SARNP: variants seen among roughly 807,000 people sequenced by gnomAD.
SARNP encodes SAP domain-containing ribonucleoprotein.
SARNP carries 5 observed loss-of-function variants against 38.1 expected under a neutral mutation model. The observed-to-expected ratio is 0.13, with a 90% CI of 0.07 to 0.28. The LOEUF (loss-of-function observed/expected upper bound fraction) is 0.28. Ranked by LOEUF, SARNP falls within the 10% of genes least tolerant of loss-of-function variation. SARNP has a pLI of 1.00. For missense variants in SARNP, 180 were observed against 243.9 expected (o/e 0.74, Z 1.75); for synonymous variants, 84 against 80.6 (o/e 1.04, Z -0.23).
intron 9 of SARNP, among the ~76,000 whole-genome samples, chr12:55,762,289 A>G (rs951360955): frequency 1.3e-5 from 2 of 151,938 alleles, no homozygotes; most frequent in Non-Finnish European, 2.9e-5. Context: ...CTCCGTCTCC[A>G]AAGAGTTCAA....
chr12:55,789,604 TC>T (rs1278397154), intron 8 of SARNP, among the ~76,000 whole-genome samples: 1 of 152,188 alleles, frequency 6.6e-6, no homozygotes, highest in Non-Finnish European at 1.5e-5. Context: ...TTCTCTTCCC[TC>T]CTCTTTCTTG....
intron 10 of SARNP, among the ~76,000 whole-genome samples, chr12:55,757,898 C>A (rs1174750190): frequency 6.6e-6 from 1 of 152,150 alleles, no homozygotes; most frequent in Non-Finnish European, 1.5e-5. Context: ...GGGCTCTTAA[C>A]AGGCTGGGAA....
intron 2 of SARNP, 49 bp downstream of exon 2, chr12:55,803,580 G>A: frequency 3.6e-6 from 4 of 1,108,488 alleles, no homozygotes; most frequent in South Asian, 1.6e-5. Context: ...CAGTGTCAAA[G>A]CCTGAAAATC....
At chr12:55,770,846 G>A (rs985544623) in intron 9 of SARNP, among the ~76,000 whole-genome samples, 5 of 151,924 alleles carry the variant, frequency 3.3e-5, no homozygotes, top group African/African-American at 9.7e-5. Flanking sequence ...TTGCTTGTGT[G>A]CCATGGCTGT....
intron 4 of SARNP, among the ~76,000 whole-genome samples, chr12:55,798,612 G>A (rs1182946932): frequency 6.6e-6 from 1 of 152,108 alleles, no homozygotes; most frequent in East Asian, 1.9e-4. Flanking sequence ...ATACTTGTGA[G>A]TATAAATAAT....
At chr12:55,766,405 C>T (rs767407011) in intron 9 of SARNP, among the ~76,000 whole-genome samples, 2 of 152,078 alleles carry the variant, frequency 1.3e-5, no homozygotes, top group African/African-American at 2.4e-5. Context: ...TTCAATTCCT[C>T]CCTCCTCTTC....
chr12:55,771,156 C>G (rs1878997861), intron 9 of SARNP, among the ~76,000 whole-genome samples: 1 of 151,928 alleles, frequency 6.6e-6, no homozygotes, highest in Admixed American at 6.6e-5. Context: ...CGGGGTTTCA[C>G]CATGTTAGCC....
At chr12:55,816,880 C>T (rs1880504060) in intron 1 of SARNP, among the ~76,000 whole-genome samples, 8 of 151,760 alleles carry the variant, frequency 5.3e-5, no homozygotes, top group Admixed American at 2.6e-4. Context: ...AATGGTAACA[C>T]CAGGAGATGC....
At chr12:55,783,469 C>T (rs1433319377) in intron 9 of SARNP, among the ~76,000 whole-genome samples, 1 of 152,100 alleles carries the variant, frequency 6.6e-6, no homozygotes, top group Non-Finnish European at 1.5e-5. Flanking sequence ...TGCCTTGTCA[C>T]CTTCCATTAG....
intron 4 of SARNP, among the ~76,000 whole-genome samples, chr12:55,796,898 AG>A (rs1209158873): frequency 1.3e-5 from 2 of 152,248 alleles, no homozygotes; most frequent in Non-Finnish European, 2.9e-5. Flanking sequence ...CAAAGAAGGT[AG>A]GAAGAAAAAA....
intron 7 of SARNP, among the ~76,000 whole-genome samples, chr12:55,791,396 T>C (rs1056105058): frequency 6.6e-6 from 1 of 152,134 alleles, no homozygotes; most frequent in Non-Finnish European, 1.5e-5. Context: ...CTATCATGAG[T>C]TGAAATTATG....
chr12:55,805,275 A>T (rs1248936231), intron 1 of SARNP, among the ~76,000 whole-genome samples: 1 of 152,222 alleles, frequency 6.6e-6, no homozygotes, highest in Admixed American at 6.5e-5. Flanking sequence ...ATAAATAAAT[A>T]AAATAAATAA....
chr12:55,800,834 C>T lies in SARNP; in HGVS notation c.183+20G>A. The T allele has an allele frequency of 1.2e-6, 2 of 1,604,772 alleles. No individual in the cohort carries two copies. The highest frequency in any genetic ancestry group is 1.7e-4 in the Middle Eastern group (1 of 6,058). Reference sequence around the variant, plus strand: ...GCAGTGGCACATTACCAGAGACTAACCTTACTCTATCCAACTCACCTCTGT... The same window carrying T: ...GCAGTGGCACATTACCAGAGACTAATCTTACTCTATCCAACTCACCTCTGT... On this transcript the variant is annotated intron_variant, in intron 3 of 10. Transcript: ENST00000336133.
At chr12:55,812,567 A>G (rs866467771) in intron 1 of SARNP, among the ~76,000 whole-genome samples, 1 of 152,232 alleles carries the variant, frequency 6.6e-6, no homozygotes. Flanking sequence ...ACTACCTGAC[A>G]TGTCCAAGTG....
chr12:55,792,556 T>TC (rs1879704579), intron 7 of SARNP: 2 of 149,212 alleles, frequency 1.3e-5, no homozygotes, highest in East Asian at 2.0e-4. Context: ...TTTTTTTTTT[T>TC]GTATTTTTAG....
At chr12:55,787,222 A>G (rs1195563425) in intron 9 of SARNP, among the ~76,000 whole-genome samples, 1 of 143,510 alleles carries the variant, frequency 7.0e-6, no homozygotes, top group Admixed American at 7.1e-5. Context: ...TCAGAGTGAG[A>G]ACTTGTCTCA....
Position 55,771,210 on chromosome 12 carries a change from G to A in SARNP, c.502-10570C>T, listed in dbSNP as rs570685851. ...TGACCTCAGGTGATCCGCCTGCCCC[G>A]GCCTCCCAAAGTGCTGGGATTGCAG... On this transcript the variant is annotated intron_variant, in intron 9 of 10. Coordinates refer to ENST00000336133, the MANE Select transcript of SARNP (RefSeq NM_033082.4). 2.5e-4 allele frequency among the ~76,000 whole-genome samples: 38 copies of A among 152,052 alleles called. No individual in the cohort carries two copies. The South Asian group carries it at 7.1e-3, about 28-fold the overall frequency.
chr12:55,775,528 C>CAAAAAAA (rs1170184393), intron 9 of SARNP, among the ~76,000 whole-genome samples: 1 of 53,410 alleles, frequency 1.9e-5, no homozygotes, highest in African/African-American at 7.9e-5. Context: ...CGCTCTGTCT[C>CAAAAAAA]AAAAAAAAAA....
intron 9 of SARNP, among the ~76,000 whole-genome samples, chr12:55,785,481 AT>A (rs898278450): frequency 8.0e-4 from 118 of 146,644 alleles, no homozygotes; most frequent in African/African-American, 8.2e-4. Flanking sequence ...ACTGTATACA[AT>A]TTTTTTTTTT....
Sources: allele counts gnomAD v4.1 joint callset (sites outside exome capture counted in the v4.1 genomes callset), GRCh38; gene constraint gnomAD v4.1.1; transcripts MANE v1.5; gene names NCBI Gene and HGNC (gene_info 2026-07-23, HGNC 2026-07-21).